COP1: variants seen among roughly 807,000 people sequenced by gnomAD.
The protein encoded by COP1 is COP1 E3 ubiquitin ligase.
Under a neutral mutation model 101.3 loss-of-function variants are expected in COP1, and 24 were observed. The observed-to-expected ratio is 0.24, with a 90% CI of 0.17 to 0.33. The LOEUF is 0.33. COP1 is among the 10% of genes least tolerant of loss of function. The pLI, the probability that COP1 is intolerant of heterozygous loss-of-function variation, is 1.00. For synonymous variants in COP1, 347 were observed against 341.9 expected (o/e 1.01, Z -0.17); for missense variants, 663 against 906.2 (o/e 0.73, Z 3.45).
At chr1:175,984,217 C>T (rs1029509353) in intron 18 of COP1, among the ~76,000 whole-genome samples, 3 of 152,098 alleles carry the variant, frequency 2.0e-5, no homozygotes, top group Non-Finnish European at 4.4e-5. Flanking sequence ...TTTCCTGGGC[C>T]AGGTCCAGGG....
chr1:176,007,813 TCCCCAGAGGTGGAG>T (rs1055858245), intron 15 of COP1, among the ~76,000 whole-genome samples: 22 of 152,184 alleles, frequency 1.4e-4, no homozygotes, highest in Middle Eastern at 3.4e-3. Context: ...GTGTGCCCTG[TCCCCAGAGGTGGAG>T]CCTACAGAGG....
At chr1:176,180,663 T>C (rs181863097) in intron 2 of COP1, among the ~76,000 whole-genome samples, 1 of 152,348 alleles carries the variant, frequency 6.6e-6, no homozygotes, top group Admixed American at 6.5e-5. Context: ...ATGTATATAC[T>C]TGCTAACAAA....
intron 18 of COP1, among the ~76,000 whole-genome samples, chr1:175,954,086 T>C (rs1018931055): frequency 1.3e-5 from 2 of 152,250 alleles, no homozygotes; most frequent in South Asian, 2.1e-4. Flanking sequence ...GCTAAAATCA[T>C]ACAAGTATGT....
intron 9 of COP1, among the ~76,000 whole-genome samples, chr1:176,086,374 C>T (rs1040076016): frequency 6.6e-6 from 1 of 151,736 alleles, no homozygotes; most frequent in Middle Eastern, 3.2e-3. Flanking sequence ...TACAGCCGCC[C>T]GCCACCACGC....
chr1:176,144,018 G>A (rs184949327), intron 6 of COP1, among the ~76,000 whole-genome samples: 4 of 152,178 alleles, frequency 2.6e-5, no homozygotes, highest in East Asian at 3.9e-4. Flanking sequence ...ATGGTGACAC[G>A]TTGAATGCTT....
At chr1:176,124,171 A>C (rs1041054591) in intron 8 of COP1, among the ~76,000 whole-genome samples, 4 of 152,036 alleles carry the variant, frequency 2.6e-5, no homozygotes, top group Non-Finnish European at 5.9e-5. Flanking sequence ...GAGGTACAAG[A>C]GATATTTTGG....
chr1:176,097,504 GTCTA>G (rs1572212640), intron 9 of COP1, among the ~76,000 whole-genome samples: 1 of 152,072 alleles, frequency 6.6e-6, no homozygotes, highest in African/African-American at 2.4e-5. Flanking sequence ...GTTTTCTTCT[GTCTA>G]TCTGTGTACA....
In COP1 at chr1:175,989,492, A is replaced by T. The variant is rs915009269; in HGVS notation, c.1730-13T>A. ...TGGACACAGTGATCTAAAACAAAAC[A>T]AAATTAGATAAATGTAGTAAATGCA... On this transcript the variant is annotated splice_polypyrimidine_tract_variant and intron_variant, in intron 15 of 19. Coordinates refer to ENST00000367669, the MANE Select transcript of COP1 (RefSeq NM_022457.7). The T allele has an allele frequency of 7.5e-7, 1 of 1,331,836 alleles. No individual in the cohort carries two copies. The highest frequency in any genetic ancestry group is 1.1e-6 in the Non-Finnish European group (1 of 927,652). The allele number at this position is 1,331,836 out of a possible 1,614,324, so 82.5% of individuals were successfully genotyped here.
intron 15 of COP1, among the ~76,000 whole-genome samples, chr1:176,004,700 G>A (rs1662649678): frequency 6.7e-6 from 1 of 149,692 alleles, no homozygotes; most frequent in Non-Finnish European, 1.5e-5. Context: ...CAGGGATGAA[G>A]CCCACTTGAT....
intron 4 of COP1, 111 bp downstream of exon 4, chr1:176,163,704 C>A (rs1694691250): frequency 1.5e-6 from 1 of 646,116 alleles, no homozygotes; most frequent in South Asian, 2.4e-5. Context: ...TAAACAATCG[C>A]CTTTTAAGAA....
intron 9 of COP1, among the ~76,000 whole-genome samples, chr1:176,095,869 A>G (rs905108848): frequency 6.6e-6 from 1 of 152,152 alleles, no homozygotes; most frequent in Non-Finnish European, 1.5e-5. Flanking sequence ...AACATATAAA[A>G]ATCTGTTAAG....
chr1:176,168,216 C>T (rs553516890), intron 3 of COP1, among the ~76,000 whole-genome samples: 13 of 151,906 alleles, frequency 8.6e-5, no homozygotes, highest in African/African-American at 3.1e-4. Context: ...CACCACCACA[C>T]TTGGCTAATT....
At position 176,051,043 on chromosome 1, in the gene COP1, T is replaced by G. The variant is rs139780006; in HGVS notation, c.1278-4719A>C. 2.6e-3 allele frequency among the ~76,000 whole-genome samples: 399 copies of G among 152,164 alleles called. 3 individuals carry two copies. The highest frequency in any genetic ancestry group is 9.2e-3 in the African/African-American group (381 of 41,512). On this transcript the variant is annotated intron_variant, in intron 11 of 19. Transcript: ENST00000367669. ...ACACATAATTCAGCCTGTGCAACAA[T>G]TTAAACACAAAGGGATAAAAAAAAG...
chr1:175,954,327 T>C (rs533563203), intron 18 of COP1, among the ~76,000 whole-genome samples: 50 of 152,108 alleles, frequency 3.3e-4, no homozygotes, highest in African/African-American at 1.2e-3. Context: ...AGCAGGAAGG[T>C]TGAACATTAA....
chr1:176,008,239 T>C (rs1490392669), intron 15 of COP1, among the ~76,000 whole-genome samples: 1 of 152,202 alleles, frequency 6.6e-6, no homozygotes, highest in Non-Finnish European at 1.5e-5. Context: ...CTGCACCCAC[T>C]GTCTGGCACT....
At chr1:176,174,007 A>AAAAAAAAAAAAAGAG in intron 3 of COP1, among the ~76,000 whole-genome samples, 1 of 121,932 alleles carries the variant, frequency 8.2e-6, no homozygotes, top group Non-Finnish European at 1.8e-5. Context: ...AAAAAAAAAA[A>AAAAAAAAAAAAAGAG]AGAGAATATA....
intron 10 of COP1, among the ~76,000 whole-genome samples, chr1:176,082,952 C>T (rs1176463031): frequency 6.6e-5 from 10 of 152,184 alleles, no homozygotes; most frequent in Admixed American, 3.9e-4. Context: ...TTTAAAGGGT[C>T]CACTTAGTTG....
chr1:176,141,735 C>T (rs200858337), intron 6 of COP1, among the ~76,000 whole-genome samples: 4 of 142,248 alleles, frequency 2.8e-5, no homozygotes, highest in Non-Finnish European at 4.6e-5. Flanking sequence ...TTTTTCTTTT[C>T]TTTTTTTTTT....
intron 11 of COP1, among the ~76,000 whole-genome samples, chr1:176,061,588 T>C (rs1368189461): frequency 6.6e-6 from 1 of 151,978 alleles, no homozygotes; most frequent in African/African-American, 2.4e-5. Flanking sequence ...ATCACGCCAT[T>C]GAACTCCAGC....
Sources: allele counts gnomAD v4.1 joint callset (sites outside exome capture counted in the v4.1 genomes callset), GRCh38; gene constraint gnomAD v4.1.1; transcripts MANE v1.5; gene names NCBI Gene and HGNC (gene_info 2026-07-23, HGNC 2026-07-21).